The following PCDH15 variants were observed in gnomAD, a reference collection of about 807,000 sequenced individuals.
PCDH15 encodes the protein protocadherin-15.
In PCDH15, 129 loss-of-function variants were observed where a neutral mutation model predicts 178.5. The observed-to-expected ratio is 0.72, with a 90% confidence interval of 0.63 to 0.84. The LOEUF (loss-of-function observed/expected upper bound fraction) is 0.84, where lower values mean the gene tolerates loss of function less well. PCDH15 is among the 40% of genes least tolerant of loss of function. PCDH15 has a pLI of 0.00. For missense variants in PCDH15, 2,230 were observed against 2,099.9 expected, an observed-to-expected ratio of 1.06 and a Z score of -1.21; for synonymous variants, 800 against 732.0, an observed-to-expected ratio of 1.09 and a Z score of -1.50.
chr10:54,164,688 A>G (rs2046037273), intron 13 of PCDH15, among the ~76,000 whole-genome samples: 1 of 152,202 alleles, frequency 6.6e-6, no homozygotes, highest in Non-Finnish European at 1.5e-5. Context: ...GTGTTTTAAC[A>G]TCTATTTTTA....
intron 2 of PCDH15, among the ~76,000 whole-genome samples, chr10:55,004,647 T>C (rs1198504047): frequency 6.6e-6 from 1 of 152,148 alleles, no homozygotes; most frequent in Admixed American, 6.5e-5. Flanking sequence ...TTCCCTCCTA[T>C]ATAAACCACT....
At chr10:54,402,014 A>C (rs1485881771) in intron 3 of PCDH15, among the ~76,000 whole-genome samples, 4 of 151,880 alleles carry the variant, frequency 2.6e-5, no homozygotes, top group Non-Finnish European at 5.9e-5. Flanking sequence ...TTTAGAAAAT[A>C]AATCAAATCC....
At chr10:54,866,307 G>A (rs117328296) in intron 3 of PCDH15, among the ~76,000 whole-genome samples, 1 of 152,036 alleles carries the variant, frequency 6.6e-6, no homozygotes, top group African/African-American at 2.4e-5. Context: ...TAACCCTTTT[G>A]CTAATGAACA....
chr10:55,080,517 G>A (rs569841092), intron 2 of PCDH15, among the ~76,000 whole-genome samples: 4 of 152,270 alleles, frequency 2.6e-5, no homozygotes, highest in Admixed American at 2.0e-4. Context: ...AGCAGGGTTG[G>A]CACTCCCAGC....
chr10:54,568,389 C>T (rs1250252836), intron 2 of PCDH15, among the ~76,000 whole-genome samples: 15 of 151,946 alleles, frequency 9.9e-5, no homozygotes, highest in Admixed American at 8.5e-4. Flanking sequence ...GTACATAATA[C>T]ATATCACTAC....
chr10:54,356,635 GA>G (rs1945025500), intron 5 of PCDH15, among the ~76,000 whole-genome samples: 1 of 151,536 alleles, frequency 6.6e-6, no homozygotes, highest in African/African-American at 2.4e-5. Context: ...TTAGTAAGAG[GA>G]AAGAAATATT....
In PCDH15 at chr10:54,622,715, AT is replaced by A. The variant is rs1425211540; in HGVS notation, c.91+41456del. Among the ~76,000 whole-genome samples, 7 of 31,712 alleles carry A rather than the reference AT, an allele frequency of 2.2e-4. 1 individual carries two copies. Among genetic ancestry groups the A allele is most frequent in the Admixed American group, 1.9e-3 (4 of 2,108 alleles). The allele number at this position is 31,712 out of a possible 152,430, so 20.8% of individuals were successfully genotyped here. On this transcript the variant is annotated intron_variant, in intron 2 of 37. Coordinates refer to ENST00000644397, the MANE Select transcript of PCDH15 (RefSeq NM_001384140.1). ...AATATATATTTTCTATATATTATAT[AT>A]AATATATATTATATAATTATATATA...
At chr10:55,446,763 G>A (rs1839327239) in intron 2 of PCDH15, among the ~76,000 whole-genome samples, 1 of 152,068 alleles carries the variant, frequency 6.6e-6, no homozygotes, top group African/African-American at 2.4e-5. Context: ...GCCATGTGAA[G>A]AACATACCTA....
intron 2 of PCDH15, among the ~76,000 whole-genome samples, chr10:55,536,273 C>T (rs532367859): frequency 6.6e-6 from 1 of 151,918 alleles, no homozygotes; most frequent in Non-Finnish European, 1.5e-5. Flanking sequence ...ATATTTTGTG[C>T]ACTTTCTTTT....
At chr10:54,462,680 ATTTTTTT>A (rs767750465) in intron 3 of PCDH15, among the ~76,000 whole-genome samples, 13 of 56,236 alleles carry the variant, frequency 2.3e-4, no homozygotes, top group South Asian at 8.5e-4. Context: ...CACCTGCTTA[ATTTTTTT>A]TTTTTTTTTT....
chr10:55,096,043 C>T (rs1842442531), intron 2 of PCDH15, among the ~76,000 whole-genome samples: 1 of 151,980 alleles, frequency 6.6e-6, no homozygotes, highest in African/African-American at 2.4e-5. Context: ...ATATATTTAG[C>T]AATCTCCCCA....
intron 1 of PCDH15, among the ~76,000 whole-genome samples, chr10:55,174,616 T>G (rs2132127036): frequency 6.6e-6 from 1 of 152,276 alleles, no homozygotes; most frequent in Non-Finnish European, 1.5e-5. Context: ...AGTGGTCATC[T>G]CAGGAGAGGC....
intron 23 of PCDH15, among the ~76,000 whole-genome samples, chr10:53,953,376 G>T (rs986756083): frequency 2.0e-5 from 3 of 152,116 alleles, no homozygotes; most frequent in African/African-American, 7.2e-5. Context: ...AAATGAGTCT[G>T]TTTCAATTAC....
chr10:55,430,988 A>C (rs1838868546), intron 2 of PCDH15, among the ~76,000 whole-genome samples: 1 of 152,192 alleles, frequency 6.6e-6, no homozygotes, highest in Non-Finnish European at 1.5e-5. Flanking sequence ...ATTAGGCATC[A>C]CTGGCTGGAA....
chr10:54,791,296 G>A (rs1232093161), intron 1 of PCDH15, among the ~76,000 whole-genome samples: 1 of 151,788 alleles, frequency 6.6e-6, no homozygotes, highest in Non-Finnish European at 1.5e-5. Flanking sequence ...AACAGGTATG[G>A]GGCATCTCAG....
At chr10:54,272,426 T>C (rs2058105688) in intron 8 of PCDH15, among the ~76,000 whole-genome samples, 1 of 152,084 alleles carries the variant, frequency 6.6e-6, no homozygotes, top group African/African-American at 2.4e-5. Flanking sequence ...ATTCTGGCAA[T>C]TGATGGTGAA....
At chr10:54,780,715 G>A (rs1480775971) in intron 1 of PCDH15, among the ~76,000 whole-genome samples, 2 of 144,558 alleles carry the variant, frequency 1.4e-5, no homozygotes, top group Non-Finnish European at 3.0e-5. Context: ...ACACTCATCA[G>A]GTGATAAAGC....
chr10:55,540,316 ATTTT>A (rs1432490183), intron 2 of PCDH15, among the ~76,000 whole-genome samples: 3 of 152,072 alleles, frequency 2.0e-5, no homozygotes, highest in African/African-American at 7.2e-5. Context: ...AACAGATTGG[ATTTT>A]CCACCCCATA....
chr10:55,299,815 GT>G (rs1229201173), intron 1 of PCDH15, among the ~76,000 whole-genome samples: 4 of 152,044 alleles, frequency 2.6e-5, no homozygotes, highest in Non-Finnish European at 5.9e-5. Flanking sequence ...AAGTTTTAGA[GT>G]TCTTCACAAG....
Sources: gnomAD v4.1 joint callset for allele counts (sites outside exome capture counted in the v4.1 genomes callset) on GRCh38, gnomAD v4.1.1 for gene constraint, MANE v1.5 for transcripts, NCBI Gene and HGNC (gene_info 2026-07-23, HGNC 2026-07-21) for gene names.